Variants in NTM observed in about 807,000 individuals in gnomAD.
NTM encodes the protein IgLON family member 2.
Under a neutral mutation model 42.1 loss-of-function variants are expected in NTM, and 13 were observed. The observed-to-expected ratio is 0.31, with a 90% CI of 0.20 to 0.49. NTM has a LOEUF of 0.49. Ranked by LOEUF, NTM falls within the 20% of genes least tolerant of loss-of-function variation. The pLI is 0.99. For synonymous variants in NTM, 187 were observed against 179.2 expected, an observed-to-expected ratio of 1.04 and a Z score of -0.35; for missense variants, 373 against 452.8, an observed-to-expected ratio of 0.82 and a Z score of 1.60.
At chr11:132,033,274 G>A (rs936673107) in intron 2 of NTM, among the ~76,000 whole-genome samples, 6 of 152,198 alleles carry the variant, frequency 3.9e-5, no homozygotes, top group Non-Finnish European at 8.8e-5. Flanking sequence ...TTCAGGCAAT[G>A]TAAGGTTTTA....
At chr11:132,082,072 A>T (rs1470963308) in intron 2 of NTM, among the ~76,000 whole-genome samples, 2 of 146,606 alleles carry the variant, frequency 1.4e-5, no homozygotes, top group African/African-American at 5.1e-5. Flanking sequence ...AAAAAAAAAA[A>T]CCCTTCATTT....
At chr11:131,587,274 C>G (rs2058955605) in intron 1 of NTM, among the ~76,000 whole-genome samples, 1 of 152,074 alleles carries the variant, frequency 6.6e-6, no homozygotes, top group Non-Finnish European at 1.5e-5. Flanking sequence ...TGGTGAAACC[C>G]CATCTCTACT....
intron 7 of NTM, among the ~76,000 whole-genome samples, chr11:132,315,980 C>G (rs1457730987): frequency 6.6e-6 from 1 of 151,822 alleles, no homozygotes; most frequent in Admixed American, 6.5e-5. Context: ...TGAACAGAGA[C>G]CAGGATTAGG....
chr11:131,781,242 A>AT (rs1438189059), intron 1 of NTM, among the ~76,000 whole-genome samples: 5 of 152,126 alleles, frequency 3.3e-5, no homozygotes, highest in Admixed American at 1.3e-4. Flanking sequence ...ACATTTGAGA[A>AT]TTTTTTTCAA....
At chr11:131,844,415 T>TC (rs894439214) in intron 1 of NTM, among the ~76,000 whole-genome samples, 6 of 152,116 alleles carry the variant, frequency 3.9e-5, no homozygotes, top group African/African-American at 9.7e-5. Flanking sequence ...GTAGGATGAG[T>TC]CCCCCCATCC....
chr11:131,596,121 G>A (rs575236729), intron 1 of NTM, among the ~76,000 whole-genome samples: 16 of 152,256 alleles, frequency 1.1e-4, no homozygotes, highest in Admixed American at 2.6e-4. Flanking sequence ...CCTACCTCAC[G>A]GTATTTAGCT....
rs542402378 is a variant in NTM, at chr11:131,974,877, G to T, written c.167+63229G>T. On this transcript the variant is annotated intron_variant, in intron 2 of 8. Coordinates refer to ENST00000683400, the MANE Select transcript of NTM (RefSeq NM_001352005.2). Reference sequence around the variant, plus strand: ...AATTTAGAGGGGGAAATAAGACAGAGACTGGAATAGTCTAAACTTTTGAAA... The same window carrying T: ...AATTTAGAGGGGGAAATAAGACAGATACTGGAATAGTCTAAACTTTTGAAA... Among the ~76,000 whole-genome samples the T allele has an allele frequency of 3.9e-5, 6 of 152,250 alleles. No homozygotes were observed. The South Asian group carries it at 1.2e-3, about 32-fold the overall frequency.
intron 3 of NTM, among the ~76,000 whole-genome samples, chr11:132,181,865 C>A (rs555319356): frequency 2.3e-4 from 35 of 151,962 alleles, no homozygotes; most frequent in African/African-American, 8.4e-4. Context: ...TAGACAGAGA[C>A]CAGGTGACAT....
intron 1 of NTM, among the ~76,000 whole-genome samples, chr11:131,864,401 G>T (rs147483256): frequency 3.3e-5 from 5 of 152,238 alleles, no homozygotes; most frequent in African/African-American, 1.2e-4. Context: ...AACTCCTCCC[G>T]CTGGACTGAC....
intron 4 of NTM, among the ~76,000 whole-genome samples, chr11:132,296,557 T>C (rs989372925): frequency 1.3e-5 from 2 of 152,208 alleles, no homozygotes; most frequent in Non-Finnish European, 2.9e-5. Context: ...GGCCCAGTTA[T>C]TTCCTCAAGG....
chr11:131,605,722 A>G (rs2060892355), intron 1 of NTM: 5 of 889,702 alleles, frequency 5.6e-6, no homozygotes, highest in Non-Finnish European at 5.4e-6. Context: ...TTCTATTCCT[A>G]GCTTGTTGAG....
At chr11:132,231,367 T>A (rs1020781789) in intron 4 of NTM, among the ~76,000 whole-genome samples, 2 of 152,228 alleles carry the variant, frequency 1.3e-5, no homozygotes, top group Admixed American at 1.3e-4. Context: ...AAGTTTCCAG[T>A]GGATTTCAAA....
intron 1 of NTM, among the ~76,000 whole-genome samples, chr11:131,576,228 A>G (rs767205746): frequency 6.6e-6 from 1 of 152,206 alleles, no homozygotes; most frequent in Non-Finnish European, 1.5e-5. Context: ...TGCATATTCT[A>G]TAGGTTTGCA....
intron 1 of NTM, among the ~76,000 whole-genome samples, chr11:131,874,030 A>AATATAATATAATATAAT (rs1491528420): frequency 5.9e-4 from 45 of 76,594 alleles, no homozygotes; most frequent in African/African-American, 1.6e-3. Context: ...AATATAATAT[A>AATATAATATAATATAAT]ATATATATAT....
rs71475771 is a variant in NTM, at chr11:131,721,996, C to CAAAAA, written c.83-189546_83-189542dup. ...CCAGGACAAGAGTGAAACTCTGTCT[C>CAAAAA]AAAAAAAAAAAAAAAAAAAAAAAAA... On this transcript the variant is annotated intron_variant, in intron 1 of 8. Transcript: ENST00000683400. Among the ~76,000 whole-genome samples, 17 of 10,274 alleles carry CAAAAA rather than the reference C, an allele frequency of 1.7e-3. 2 individuals are homozygous for CAAAAA. The highest frequency in any genetic ancestry group is 3.4e-3 in the Admixed American group (3 of 894). The allele number at this position is 10,274 out of a possible 152,430, so 6.7% of individuals were successfully genotyped here. A position where few individuals can be genotyped will look rare whatever the true frequency, so the allele number is the denominator to read the frequency against.
At chr11:131,380,004 AG>A (rs1942449076) in intron 1 of NTM, among the ~76,000 whole-genome samples, 1 of 152,132 alleles carries the variant, frequency 6.6e-6, no homozygotes, top group Non-Finnish European at 1.5e-5. Context: ...TGAAATCCTA[AG>A]GGTCTGTCCT....
Position 131,432,839 on chromosome 11 carries a change from C to CATTTTTTTTTTTTTTTTTTTTTTTT in NTM, c.82+61951_82+61952insATTTTTTTTTTTTTTTTTTTTTTTT, listed in dbSNP as rs1565494793. 3.8e-4 allele frequency among the ~76,000 whole-genome samples: 26 copies of CATTTTTTTTTTTTTTTTTTTTTTTT among 68,700 alleles called. 1 individual carries two copies. The highest frequency in any genetic ancestry group is 5.9e-4 in the Non-Finnish European group (23 of 38,808). 45.1% of individuals were successfully genotyped at this position (68,700 alleles called of 152,430 possible). On this transcript the variant is annotated intron_variant, in intron 1 of 8. Transcript: ENST00000683400. Reference sequence around the variant, plus strand: ...CTACAAAAGATGAAGATTTAGCATTCTTTTTTTTTTTTTTTTTTTTTTTTT... The same window carrying CATTTTTTTTTTTTTTTTTTTTTTTT: ...CTACAAAAGATGAAGATTTAGCATTCATTTTTTTTTTTTTTTTTTTTTTTTTTTTTTTTTTTTTTTTTTTTTTTTT...
At chr11:132,327,513 G>C (rs1179385630) in intron 7 of NTM, among the ~76,000 whole-genome samples, 1 of 152,172 alleles carries the variant, frequency 6.6e-6, no homozygotes, top group East Asian at 1.9e-4. Context: ...TGTGTGTCTA[G>C]ATAACAGAAA....
intron 4 of NTM, among the ~76,000 whole-genome samples, chr11:132,229,802 A>G (rs1313271640): frequency 6.6e-6 from 1 of 152,208 alleles, no homozygotes; most frequent in Non-Finnish European, 1.5e-5. Context: ...GGGTAGCAGC[A>G]GTCACCTCTA....
Sources: gnomAD v4.1 joint callset for allele counts (sites outside exome capture counted in the v4.1 genomes callset) on GRCh38, gnomAD v4.1.1 for gene constraint, MANE v1.5 for transcripts, NCBI Gene and HGNC (gene_info 2026-07-23, HGNC 2026-07-21) for gene names.